The following CMKLR1 variants were observed in gnomAD, a reference collection of about 807,000 sequenced individuals.
CMKLR1 encodes the protein chemerin chemokine-like receptor 1.
Under a neutral mutation model 8.2 loss-of-function variants are expected in CMKLR1, and 6 were observed. The observed-to-expected ratio is 0.73, with a 90% CI of 0.40 to 1.44. The LOEUF is 1.44. Among genes scored for constraint, CMKLR1 ranks in the 40% most tolerant of loss-of-function variants. The probability of loss-of-function intolerance (pLI) is 0.02; values close to 1 mark genes in which losing one functional copy is unlikely to be tolerated. For missense variants in CMKLR1, 429 were observed against 478.0 expected (o/e 0.90, Z 0.96); for synonymous variants, 178 against 181.2 (o/e 0.98, Z 0.14).
chr12:108,300,638 T>C (rs369078826), intron 2 of CMKLR1, among the ~76,000 whole-genome samples: 9 of 152,304 alleles, frequency 5.9e-5, no homozygotes, highest in South Asian at 2.1e-4. Context: ...GCTGGACTAT[T>C]GCTCCATGAC....
At chr12:108,324,055 G>A (rs1044209559) in intron 2 of CMKLR1, among the ~76,000 whole-genome samples, 2 of 152,134 alleles carry the variant, frequency 1.3e-5, no homozygotes, top group Non-Finnish European at 2.9e-5. Context: ...GGCTCCAGCA[G>A]GGAGACCCCA....
chr12:108,299,681 C>T (rs543383663), intron 2 of CMKLR1, among the ~76,000 whole-genome samples: 1 of 152,212 alleles, frequency 6.6e-6, no homozygotes, highest in African/African-American at 2.4e-5. Flanking sequence ...CACATGGACA[C>T]AGAACAGAAG....
chr12:108,334,084 G>A (rs546085817), intron 1 of CMKLR1, among the ~76,000 whole-genome samples: 1 of 152,232 alleles, frequency 6.6e-6, no homozygotes, highest in Non-Finnish European at 1.5e-5. Context: ...AATGATCTTG[G>A]GAATGTCACG....
At chr12:108,318,982 G>A (rs1192364243) in intron 2 of CMKLR1, among the ~76,000 whole-genome samples, 5 of 152,160 alleles carry the variant, frequency 3.3e-5, no homozygotes, top group African/African-American at 1.2e-4. Flanking sequence ...GCAAATCCTG[G>A]TGGACAACAG....
Position 108,291,955 on chromosome 12 carries a change from A to G in CMKLR1, c.1008T>C (p.Asn336=), listed in dbSNP as rs757006992. ...AGTGGCCTGTATCTTCACTTAGAGC[A>G]TTGACCAGGCGAGAGAAGAGGGCCA... ...FKVALFSRLV[N]ALSEDTGHSS... The change falls in exon 4 of 4, where the codon AAT becomes AAC. Residue 336 remains asparagine, a synonymous_variant. Transcript: ENST00000550402. 2 of 1,614,190 alleles carry G rather than the reference A, an allele frequency of 1.2e-6. No homozygotes were observed. The highest frequency in any genetic ancestry group is 4.5e-5 in the East Asian group (2 of 44,872).
At chr12:108,297,655 A>G (rs936202082) in intron 2 of CMKLR1, among the ~76,000 whole-genome samples, 6 of 152,254 alleles carry the variant, frequency 3.9e-5, no homozygotes, top group African/African-American at 1.2e-4. Context: ...GAGGCCACAC[A>G]GCAGGGAGCT....
intron 2 of CMKLR1, among the ~76,000 whole-genome samples, chr12:108,313,306 G>C (rs1388820980): frequency 6.7e-6 from 1 of 148,336 alleles, no homozygotes; most frequent in Non-Finnish European, 1.5e-5. Flanking sequence ...AAAGCTGCTC[G>C]AAGACCAGAG....
In CMKLR1 at chr12:108,292,748, GTCT is replaced by G; in HGVS notation, c.212_214del (p.Lys71del). On this transcript the variant is annotated inframe_deletion, in exon 4 of 4. Transcript: ENST00000550402. Reference sequence around the variant, plus strand: ...GTTGAGGAACCAGACCATGTTCACTGTCTTCTTCATCTTGAAGGTGGCAATGAT... The same window carrying G: ...GTTGAGGAACCAGACCATGTTCACTGTCTTCATCTTGAAGGTGGCAATGAT... 1 of 1,614,160 alleles carries G rather than the reference GTCT, an allele frequency of 6.2e-7. No homozygotes were observed. The highest frequency in any genetic ancestry group is 1.1e-5 in the South Asian group (1 of 91,084).
intron 1 of CMKLR1, among the ~76,000 whole-genome samples, chr12:108,334,611 G>A (rs1285186467): frequency 6.6e-6 from 1 of 152,170 alleles, no homozygotes; most frequent in East Asian, 1.9e-4. Context: ...AGCCCTGGGG[G>A]AGCCCAGCCC....
At position 108,292,627 on chromosome 12, in the gene CMKLR1, G is replaced by C; in HGVS notation, c.336C>G (p.Cys112Trp). Residue 112 changes from cysteine (C) to tryptophan (W), a missense_variant, in exon 4 of 4, where the codon TGC (cysteine) becomes TGG (tryptophan). Transcript: ENST00000550402. ...GGATGAGAAGGAAGTTGCTGATCTTGCACATGGCTGTCCCGAAAACCCAGT... is the reference window on the plus strand; with the variant it reads ...GGATGAGAAGGAAGTTGCTGATCTTCCACATGGCTGTCCCGAAAACCCAGT... Reference protein sequence around the residue: ...DYHWVFGTAMCKISNFLLIHN... With the variant: ...DYHWVFGTAMWKISNFLLIHN... 6.2e-7 allele frequency: 1 copy of C among 1,614,164 alleles called. No individual in the cohort carries two copies. The highest frequency in any genetic ancestry group is 8.5e-7 in the Non-Finnish European group (1 of 1,180,036).
chr12:108,304,980 C>G (rs1017525733), intron 2 of CMKLR1, among the ~76,000 whole-genome samples: 1 of 152,212 alleles, frequency 6.6e-6, no homozygotes, highest in Non-Finnish European at 1.5e-5. Flanking sequence ...TGGCCTGGCT[C>G]CTGTCCCCAT....
rs909116202 is a variant in CMKLR1 at position 108,291,143 on chromosome 12, G to T, written c.*698C>A. ...TGCTCCATGCCTGCATCCTTTAAAGGTTCTTTTCTCCTTTCTCATTTCTTT... is the reference window on the plus strand; with the variant it reads ...TGCTCCATGCCTGCATCCTTTAAAGTTTCTTTTCTCCTTTCTCATTTCTTT... On this transcript the variant is annotated 3_prime_UTR_variant, in exon 4 of 4. Coordinates refer to ENST00000550402, the MANE Select transcript of CMKLR1 (RefSeq NM_001142343.2). 3 of 152,394 alleles carry T rather than the reference G, an allele frequency of 2.0e-5. No homozygotes were observed. Among genetic ancestry groups the T allele is most frequent in the African/African-American group, 2.4e-5 (1 of 41,464 alleles). The allele number at this position is 152,394 out of a possible 1,614,324, so 9.4% of individuals were successfully genotyped here. A position where few individuals can be genotyped will look rare whatever the true frequency, so the allele number is the denominator to read the frequency against.
Position 108,315,548 on chromosome 12 carries a change from G to A in CMKLR1, c.-74+14447C>T, listed in dbSNP as rs114681659. Among the ~76,000 whole-genome samples the A allele has an allele frequency of 5.3e-3, 801 of 152,206 alleles. 6 individuals carry two copies. Among genetic ancestry groups the A allele is most frequent in the African/African-American group, 0.018 (765 of 41,520 alleles). ...AGGCCCTAAGCTAAGCACACGTCCT[G>A]TGTCATTAAATTCCCATAAGGGTCC... On this transcript the variant is annotated intron_variant, in intron 2 of 3. Coordinates refer to ENST00000550402, the MANE Select transcript of CMKLR1 (RefSeq NM_001142343.2).
At chr12:108,315,503 C>T (rs1891697900) in intron 2 of CMKLR1, among the ~76,000 whole-genome samples, 1 of 152,182 alleles carries the variant, frequency 6.6e-6, no homozygotes, top group Admixed American at 6.5e-5. Context: ...GTGTACTAGC[C>T]TTGCCCACCT....
chr12:108,317,300 T>C (rs1303931558), intron 2 of CMKLR1, among the ~76,000 whole-genome samples: 1 of 152,268 alleles, frequency 6.6e-6, no homozygotes, highest in Admixed American at 6.5e-5. Context: ...TGGTTATTAG[T>C]GTCAAGGAGA....
intron 2 of CMKLR1, among the ~76,000 whole-genome samples, chr12:108,327,408 A>T (rs1429093795): frequency 6.6e-6 from 1 of 152,130 alleles, no homozygotes; most frequent in African/African-American, 2.4e-5. Flanking sequence ...TGAGCCCAGG[A>T]GTTCAAGGCT....
intron 3 of CMKLR1, 105 bp from the exon 4 acceptor site, chr12:108,293,064 CA>C (rs966403573): frequency 9.2e-7 from 1 of 1,088,468 alleles, no homozygotes; most frequent in Admixed American, 2.5e-5. Context: ...TGAGCAAGTC[CA>C]GTTTTGTGAT....
intron 2 of CMKLR1, among the ~76,000 whole-genome samples, chr12:108,295,765 C>G (rs999422003): frequency 6.6e-6 from 1 of 152,240 alleles, no homozygotes; most frequent in Non-Finnish European, 1.5e-5. Flanking sequence ...GAGAGGAGGT[C>G]GAGGAGGATC....
intron 2 of CMKLR1, among the ~76,000 whole-genome samples, chr12:108,301,071 CTTTTTTTTT>C (rs11303250): frequency 2.2e-5 from 2 of 90,392 alleles, no homozygotes; most frequent in Non-Finnish European, 4.2e-5. Flanking sequence ...CCACCCAAGT[CTTTTTTTTT>C]TTTTTTTTTT....
Sources: gnomAD v4.1 joint callset for allele counts (sites outside exome capture counted in the v4.1 genomes callset) on GRCh38, gnomAD v4.1.1 for gene constraint, MANE v1.5 for transcripts, NCBI Gene and HGNC (gene_info 2026-07-23, HGNC 2026-07-21) for gene names.